DYM: variants seen among roughly 807,000 people sequenced by gnomAD.
DYM encodes dymeclin.
Under a neutral mutation model 93.1 loss-of-function variants are expected in DYM, and 78 were observed. That is an observed-to-expected ratio of 0.84 (90% CI 0.70 to 1.01). The LOEUF (loss-of-function observed/expected upper bound fraction) is 1.01, where lower values mean the gene tolerates loss of function less well. Among genes scored for constraint, DYM ranks in the 50% least tolerant of loss-of-function variants. The pLI, the probability that DYM is intolerant of heterozygous loss-of-function variation, is 0.00. For missense variants in DYM, 789 were observed against 845.0 expected (o/e 0.93, Z 0.82); for synonymous variants, 321 against 319.7 (o/e 1.00, Z -0.04).
At chr18:49,161,661 T>G (rs945594900) in intron 15 of DYM, among the ~76,000 whole-genome samples, 1 of 152,158 alleles carries the variant, frequency 6.6e-6, no homozygotes, top group African/African-American at 2.4e-5. Context: ...AACATTCAAC[T>G]TAACAGGAAA....
chr18:49,187,274 T>C (rs989499817), intron 14 of DYM, among the ~76,000 whole-genome samples: 6 of 152,020 alleles, frequency 3.9e-5, no homozygotes. Context: ...GGAAAATGGG[T>C]GAAGTGAAGA....
chr18:49,305,422 A>G (rs2061216896), intron 8 of DYM, among the ~76,000 whole-genome samples: 2 of 152,162 alleles, frequency 1.3e-5, no homozygotes, highest in Admixed American at 1.3e-4. Flanking sequence ...TGTTCTCTTT[A>G]AACTTCTAAC....
At chr18:49,154,403 G>GT (rs1555782131) in intron 15 of DYM, among the ~76,000 whole-genome samples, 8 of 151,634 alleles carry the variant, frequency 5.3e-5, no homozygotes, top group Non-Finnish European at 8.8e-5. Context: ...ATTCATTTTT[G>GT]TTTTTTTTGA....
chr18:49,454,710 T>G (rs999820498), intron 1 of DYM, among the ~76,000 whole-genome samples: 2 of 149,778 alleles, frequency 1.3e-5, no homozygotes, highest in Admixed American at 6.6e-5. Context: ...CCATCCTGGC[T>G]AACACAGTGA....
At chr18:49,223,740 T>A (rs1477638936) in intron 13 of DYM, among the ~76,000 whole-genome samples, 1 of 152,010 alleles carries the variant, frequency 6.6e-6, no homozygotes, top group African/African-American at 2.4e-5. Context: ...TCAGCCAAGA[T>A]CTGCAAGATG....
chr18:49,261,666 T>C (rs1444851531), intron 11 of DYM, among the ~76,000 whole-genome samples: 1 of 152,186 alleles, frequency 6.6e-6, no homozygotes, highest in Non-Finnish European at 1.5e-5. Context: ...CCATAAGTTA[T>C]ATATGATAGA....
chr18:49,172,981 G>T (rs1600335434), intron 14 of DYM, among the ~76,000 whole-genome samples: 1 of 150,824 alleles, frequency 6.6e-6, no homozygotes, highest in South Asian at 2.1e-4. Flanking sequence ...TATATGGCAT[G>T]AAGAGTCACA....
chr18:49,130,169 C>A (rs2083250941), intron 15 of DYM, among the ~76,000 whole-genome samples: 1 of 152,164 alleles, frequency 6.6e-6, no homozygotes, highest in South Asian at 2.1e-4. Flanking sequence ...ACAGAGAGGT[C>A]TCTTCTCCAG....
chr18:49,318,986 T>A (rs2062243386), intron 8 of DYM, among the ~76,000 whole-genome samples: 1 of 151,788 alleles, frequency 6.6e-6, no homozygotes, highest in Admixed American at 6.6e-5. Context: ...TTTGTATTTG[T>A]AGTAGAGACG....
At chr18:49,192,216 C>T (rs892108950) in intron 14 of DYM, among the ~76,000 whole-genome samples, 2 of 150,820 alleles carry the variant, frequency 1.3e-5, no homozygotes, top group African/African-American at 4.9e-5. Flanking sequence ...GCCACTGCAC[C>T]TAGCCTCTAG....
chr18:49,385,933 T>C (rs2068571263), intron 3 of DYM, among the ~76,000 whole-genome samples: 1 of 152,082 alleles, frequency 6.6e-6, no homozygotes, highest in African/African-American at 2.4e-5. Flanking sequence ...AACATTAATC[T>C]ACACATCTAA....
At chr18:49,379,443 T>G (rs2067829303) in intron 4 of DYM, among the ~76,000 whole-genome samples, 1 of 152,132 alleles carries the variant, frequency 6.6e-6, no homozygotes, top group South Asian at 2.1e-4. Context: ...AAGAATATAA[T>G]CTAAAGATTG....
intron 6 of DYM, among the ~76,000 whole-genome samples, chr18:49,357,841 T>A (rs1459537794): frequency 6.6e-6 from 1 of 151,786 alleles, no homozygotes; most frequent in Admixed American, 6.6e-5. Context: ...ATATGAAGAG[T>A]AGTGAAAAGT....
chr18:49,320,586 C>T (rs1363517846), intron 8 of DYM, among the ~76,000 whole-genome samples: 2 of 152,124 alleles, frequency 1.3e-5, no homozygotes, highest in African/African-American at 2.4e-5. Flanking sequence ...GTAATCCTCT[C>T]ATCTCAGCCT....
intron 2 of DYM, chr18:49,413,047 A>G (rs1209438765): frequency 6.6e-6 from 1 of 152,220 alleles, no homozygotes; most frequent in African/African-American, 2.4e-5. Flanking sequence ...AAATGCTTGA[A>G]AATGTGAACA....
Position 49,180,684 on chromosome 18 carries a change from G to A in DYM, c.1626-16897C>T, listed in dbSNP as rs141134391. ...CCTCATTTTTGATGTTATGCAGAAA[G>A]GAATATAGGCTAATTCAGACACATT... On this transcript the variant is annotated intron_variant, in intron 14 of 17. Transcript: ENST00000675505. Among the ~76,000 whole-genome samples the A allele has an allele frequency of 7.9e-5, 12 of 152,132 alleles. No homozygotes were observed. In the East Asian group the frequency reaches 2.3e-3, roughly 29 times the overall value.
intron 8 of DYM, among the ~76,000 whole-genome samples, chr18:49,289,774 CACATATATATATAT>C (rs1250215772): frequency 0.11 from 3,901 of 37,010 alleles, 303 homozygotes; most frequent in African/African-American, 0.24. Context: ...TATATATATA[CACATATATATATAT>C]ACACACATAT....
At chr18:49,250,229 T>C (rs1437784448) in intron 13 of DYM, among the ~76,000 whole-genome samples, 1 of 152,250 alleles carries the variant, frequency 6.6e-6, no homozygotes, top group Non-Finnish European at 1.5e-5. Context: ...AGCAACTCTC[T>C]GTAAAGTAAT....
chr18:49,130,004 G>A (rs2083231157), intron 15 of DYM, among the ~76,000 whole-genome samples: 1 of 152,128 alleles, frequency 6.6e-6, no homozygotes, highest in Admixed American at 6.5e-5. Context: ...GGGATTTGAG[G>A]CAGGAAACCA....
Sources: allele counts gnomAD v4.1 joint callset (sites outside exome capture counted in the v4.1 genomes callset), GRCh38; gene constraint gnomAD v4.1.1; transcripts MANE v1.5; gene names NCBI Gene and HGNC (gene_info 2026-07-23, HGNC 2026-07-21).